The following ASRGL1 variants were observed in gnomAD, a reference collection of about 807,000 sequenced individuals.
The protein encoded by ASRGL1 is asparaginase and isoaspartyl peptidase 1, also known as isoaspartyl peptidase/L-asparaginase.
In ASRGL1, 16 loss-of-function variants were observed where a neutral mutation model predicts 22.4. The observed-to-expected ratio is 0.71, with a 90% confidence interval of 0.48 to 1.08. The LOEUF (loss-of-function observed/expected upper bound fraction) is 1.08, where lower values mean the gene tolerates loss of function less well. Ranked by LOEUF, ASRGL1 falls within the 50% of genes least tolerant of loss-of-function variation. The pLI is 0.00. For missense variants in ASRGL1, 412 were observed against 410.1 expected, an observed-to-expected ratio of 1.00 and a Z score of -0.04; for synonymous variants, 165 against 159.3, an observed-to-expected ratio of 1.04 and a Z score of -0.27.
At chr11:62,338,646 T>C (rs557347049) in intron 2 of ASRGL1, among the ~76,000 whole-genome samples, 3 of 152,254 alleles carry the variant, frequency 2.0e-5, no homozygotes, top group East Asian at 1.9e-4. Context: ...ATAGAATTAA[T>C]AGAAGGCGGT....
At chr11:62,397,546 C>T (rs1742144422), downstream of ASRGL1, among the ~76,000 whole-genome samples, 1 of 151,738 alleles carries the variant, frequency 6.6e-6, no homozygotes, top group Non-Finnish European at 1.5e-5. Flanking sequence ...TGCCTGTAAT[C>T]GCAGCTACTG....
chr11:62,362,758 T>TTA lies in ASRGL1; in HGVS notation c.491+5623_491+5624dup, dbSNP rs1195091298. Reference sequence around the variant, plus strand: ...TATAATATATATTATATATATAAATTTATATATATAAATTTAAATTTTTTT... The same window carrying TTA: ...TATAATATATATTATATATATAAATTTATATATATATAAATTTAAATTTTTTT... On this transcript the variant is annotated intron_variant, in intron 4 of 6. Coordinates refer to ENST00000415229, the MANE Select transcript of ASRGL1 (RefSeq NM_001083926.2). Among the ~76,000 whole-genome samples, 106 of 102,090 alleles carry TTA rather than the reference T, an allele frequency of 1.0e-3. 2 individuals are homozygous for TTA. The highest frequency in any genetic ancestry group is 3.8e-3 in the African/African-American group (102 of 26,836). The allele number at this position is 102,090 out of a possible 152,430, so 67.0% of individuals were successfully genotyped here. A position where few individuals can be genotyped will look rare whatever the true frequency, so the allele number is the denominator to read the frequency against.
rs5792257 is a variant in ASRGL1 at position 62,392,568 on chromosome 11, CAAAAAAAA to C, written c.*294_*301del. On this transcript the variant is annotated 3_prime_UTR_variant, in exon 7 of 7. Transcript: ENST00000415229. ...TGGGCAACAGAGCCAGGCCCTGTATCAAAAAAAAAAAAAAAAAGAAAAGGGAAAAAAGA... is the reference window on the plus strand; with the variant it reads ...TGGGCAACAGAGCCAGGCCCTGTATCAAAAAAAAAGAAAAGGGAAAAAAGA... 8.7e-3 allele frequency: 2,484 copies of C among 284,826 alleles called. 2 individuals carry two copies. The highest frequency in any genetic ancestry group is 0.02 in the Middle Eastern group (17 of 840). 17.6% of individuals were successfully genotyped at this position (284,826 alleles called of 1,614,324 possible). A position where few individuals can be genotyped will look rare whatever the true frequency, so the allele number is the denominator to read the frequency against.
chr11:62,343,687 C>T (rs971280290), intron 2 of ASRGL1, among the ~76,000 whole-genome samples: 2 of 140,656 alleles, frequency 1.4e-5, no homozygotes, highest in Admixed American at 7.8e-5. Flanking sequence ...AAGATGGCGC[C>T]ACTGCACTCC....
intron 6 of ASRGL1, 29 bp from the exon 7 acceptor site, chr11:62,392,050 G>C (rs1221695046): frequency 1.9e-6 from 3 of 1,607,164 alleles, no homozygotes; most frequent in African/African-American, 1.3e-5. Flanking sequence ...AGTAATGTGT[G>C]TTGTTTCTCA....
downstream of ASRGL1, among the ~76,000 whole-genome samples, chr11:62,395,759 CTTTTTTTTTTTTTTTT>C (rs564952668): frequency 2.4e-4 from 17 of 71,944 alleles, no homozygotes; most frequent in Admixed American, 2.0e-4. Context: ...GTAGCTGTTT[CTTTTTTTTTTTTTTTT>C]TTTTTTTTTT....
intron 4 of ASRGL1, chr11:62,372,716 G>A: frequency 7.1e-7 from 1 of 1,406,420 alleles, no homozygotes; most frequent in South Asian, 1.2e-5. Flanking sequence ...AGAAGGATGA[G>A]ATGGTCCCCC....
intron 4 of ASRGL1, among the ~76,000 whole-genome samples, chr11:62,359,126 T>C (rs1466732892): frequency 2.0e-5 from 3 of 152,120 alleles, no homozygotes; most frequent in Admixed American, 1.3e-4. Flanking sequence ...CTCTTCAGTT[T>C]GTGTATGGGT....
chr11:62,375,493 A>G (rs1946902953), intron 4 of ASRGL1, among the ~76,000 whole-genome samples: 1 of 128,224 alleles, frequency 7.8e-6, no homozygotes, highest in African/African-American at 2.9e-5. Flanking sequence ...TCTTGGAGTA[A>G]ACATTTTAAA....
At chr11:62,374,253 T>C (rs192368765) in intron 4 of ASRGL1, among the ~76,000 whole-genome samples, 13 of 152,262 alleles carry the variant, frequency 8.5e-5, no homozygotes, top group Admixed American at 2.6e-4. Context: ...TCAGCACGGA[T>C]GCCGTGACTG....
At chr11:62,358,918 G>T (rs1337830581) in intron 4 of ASRGL1, among the ~76,000 whole-genome samples, 1 of 152,198 alleles carries the variant, frequency 6.6e-6, no homozygotes, top group Non-Finnish European at 1.5e-5. Context: ...ATTAACTGAT[G>T]AAATAGATTC....
intron 2 of ASRGL1, among the ~76,000 whole-genome samples, chr11:62,355,647 C>A (rs1434549149): frequency 3.2e-5 from 4 of 125,772 alleles, no homozygotes; most frequent in African/African-American, 9.1e-5. Flanking sequence ...TTTCATTGAT[C>A]ATTCTTGGGT....
At chr11:62,364,344 T>A (rs1232067048) in intron 4 of ASRGL1, among the ~76,000 whole-genome samples, 1 of 152,148 alleles carries the variant, frequency 6.6e-6, no homozygotes, top group Non-Finnish European at 1.5e-5. Context: ...TACACAATAA[T>A]AACTAAGTTA....
At chr11:62,389,334 C>T (rs771643635) in intron 5 of ASRGL1, 83 bp downstream of exon 5, 8 of 1,285,560 alleles carry the variant, frequency 6.2e-6, no homozygotes, top group Admixed American at 3.4e-5. Flanking sequence ...TGCCCCTCTC[C>T]GTTTCTTGCT....
chr11:62,377,031 C>G (rs1946949281), intron 4 of ASRGL1, among the ~76,000 whole-genome samples: 1 of 152,178 alleles, frequency 6.6e-6, no homozygotes, highest in Non-Finnish European at 1.5e-5. Flanking sequence ...TAACTCCTGC[C>G]TCTTGAGTGG....
At chr11:62,372,777 G>T (rs1285181849) in intron 4 of ASRGL1, 1 of 1,567,764 alleles carries the variant, frequency 6.4e-7, no homozygotes. Flanking sequence ...CCAGATCTAT[G>T]CTGGTTACAC....
chr11:62,341,904 A>G (rs1029468719), intron 2 of ASRGL1, among the ~76,000 whole-genome samples: 2 of 152,160 alleles, frequency 1.3e-5, no homozygotes, highest in African/African-American at 4.8e-5. Context: ...CATTTCCAGG[A>G]TGTCGTATGT....
At chr11:62,356,518 GC>G in intron 3 of ASRGL1, 51 bp downstream of exon 3, 1 of 1,580,644 alleles carries the variant, frequency 6.3e-7, no homozygotes, top group Non-Finnish European at 8.7e-7. Context: ...TTGTTATACT[GC>G]AGTGATAAGG....
intron 4 of ASRGL1, among the ~76,000 whole-genome samples, chr11:62,386,079 T>C (rs550812412): frequency 6.6e-6 from 1 of 152,204 alleles, no homozygotes; most frequent in South Asian, 2.1e-4. Context: ...GGAGAATAGC[T>C]TGAACCCATG....
Sources: allele counts gnomAD v4.1 joint callset (sites outside exome capture counted in the v4.1 genomes callset), GRCh38; gene constraint gnomAD v4.1.1; transcripts MANE v1.5; gene names NCBI Gene and HGNC (gene_info 2026-07-23, HGNC 2026-07-21).